FARP1: variants seen among roughly 807,000 people sequenced by gnomAD.
FARP1 encodes FERM, ARH/RhoGEF and pleckstrin domain protein 1.
FARP1 carries 52 observed loss-of-function variants against 128.8 expected under a neutral mutation model. The ratio of observed to expected loss-of-function variants is 0.40; its 90% confidence interval spans 0.32 to 0.51. The LOEUF (loss-of-function observed/expected upper bound fraction) is 0.51. Among genes scored for constraint, FARP1 ranks in the 20% least tolerant of loss-of-function variants. The pLI, the probability that FARP1 is intolerant of heterozygous loss-of-function variation, is 0.45. For synonymous variants in FARP1, 580 were observed against 551.8 expected (o/e 1.05, Z -0.72); for missense variants, 1,333 against 1,367.9 (o/e 0.97, Z 0.40).
Position 98,390,858 on chromosome 13 carries a change from C to T in FARP1, c.1066C>T (p.His356Tyr), listed in dbSNP as rs746470662. Residue 356 changes from histidine to tyrosine, a missense_variant, in exon 11 of 27, where the codon CAT becomes TAT. His to Tyr is a moderately conservative substitution (Grantham distance 83). Coordinates refer to ENST00000319562, the MANE Select transcript of FARP1 (RefSeq NM_005766.4). ...TCTCGACTATGTTAAAGAAGGAGGA[C>T]ATAAGAAGGTGCAGTTTGAAAGGTA... is the stretch of plus-strand genomic sequence containing the variant. ...QVLDYVKEGG[H>Y]KKVQFERKHS... is the part of the protein sequence containing the mutation. 1 of 1,613,334 alleles carries T rather than the reference C, an allele frequency of 6.2e-7. No homozygotes were observed. The highest frequency in any genetic ancestry group is 1.1e-5 in the South Asian group (1 of 90,998).
chr13:98,170,468 T>C (rs985796057), intron 1 of FARP1, among the ~76,000 whole-genome samples: 1 of 152,210 alleles, frequency 6.6e-6, no homozygotes, highest in African/African-American at 2.4e-5. Context: ...GCAATTCTCC[T>C]GCCTCGACCT....
rs188084165 is a variant in FARP1 at position 98,197,801 on chromosome 13, A to G, written c.-23-15419A>G. Among the ~76,000 whole-genome samples the G allele has an allele frequency of 3.1e-3, 474 of 151,802 alleles. 2 individuals are homozygous for G. Among genetic ancestry groups the G allele is most frequent in the Non-Finnish European group, 5.5e-3 (373 of 67,946 alleles). Reference sequence around the variant, plus strand: ...AGGCACCCGCCACCACGCCCGGCTAATTTTTTGTACTTTTTTAGTAGAGAC... The same window carrying G: ...AGGCACCCGCCACCACGCCCGGCTAGTTTTTTGTACTTTTTTAGTAGAGAC... On this transcript the variant is annotated intron_variant, in intron 1 of 26. Coordinates refer to ENST00000319562, the MANE Select transcript of FARP1 (RefSeq NM_005766.4).
intron 1 of FARP1, among the ~76,000 whole-genome samples, chr13:98,180,522 A>T (rs1407705533): frequency 6.6e-6 from 1 of 152,168 alleles, no homozygotes; most frequent in Non-Finnish European, 1.5e-5. Flanking sequence ...ATCTGTTTCC[A>T]GTGATACTTG....
chr13:98,339,823 C>T (rs1437475042), intron 2 of FARP1, among the ~76,000 whole-genome samples: 1 of 152,184 alleles, frequency 6.6e-6, no homozygotes, highest in Non-Finnish European at 1.5e-5. Flanking sequence ...GTCTCTACTG[C>T]AAACCCATGA....
Position 98,288,334 on chromosome 13 carries a change from A to G in FARP1, c.172-55428A>G, listed in dbSNP as rs556043783. Among the ~76,000 whole-genome samples the G allele has an allele frequency of 9.7e-4, 148 of 152,280 alleles. 1 individual carries two copies. The highest frequency in any genetic ancestry group is 3.3e-3 in the African/African-American group (138 of 41,560). ...AGCTTCATAGCACGTACATATGGCTATTCTGGAACTGACGGGAGCCTCTTG... is the reference window on the plus strand; with the variant it reads ...AGCTTCATAGCACGTACATATGGCTGTTCTGGAACTGACGGGAGCCTCTTG... On this transcript the variant is annotated intron_variant, in intron 2 of 26. Coordinates refer to ENST00000319562, the MANE Select transcript of FARP1 (RefSeq NM_005766.4).
intron 2 of FARP1, among the ~76,000 whole-genome samples, chr13:98,307,365 C>T (rs1419178546): frequency 1.3e-5 from 2 of 152,086 alleles, no homozygotes; most frequent in African/African-American, 4.8e-5. Context: ...GAACTAATAC[C>T]TAATGAAAAG....
chr13:98,409,356 C>G lies in FARP1; in HGVS notation c.1433C>G (p.Pro478Arg). 1.2e-6 allele frequency: 2 copies of G among 1,613,054 alleles called. No homozygotes were observed. Among genetic ancestry groups the G allele is most frequent in the African/African-American group, 1.3e-5 (1 of 74,972 alleles). Residue 478 changes from proline to arginine, a missense_variant, in exon 14 of 27, where the codon CCT (proline) becomes CGT (arginine). This residue lies in a region of FARP1 where 1,009 missense variants were observed against 969.8 expected (regional missense o/e 1.04). Transcript: ENST00000319562. ...CAAACAGGCTCCCTGACTGGCAGTCCTCACCTTTCCGAGCTGTCTGTGAAC... is the reference window on the plus strand; with the variant it reads ...CAAACAGGCTCCCTGACTGGCAGTCGTCACCTTTCCGAGCTGTCTGTGAAC... ...QPSTGSLTGS[P>R]HLSELSVNSQ...
Position 98,176,904 on chromosome 13 carries a change from G to A in FARP1, c.-24+33412G>A, listed in dbSNP as rs751001347. 10 of 1,605,530 alleles carry A rather than the reference G, an allele frequency of 6.2e-6. No homozygotes were observed. In the Admixed American group the frequency reaches 1.2e-4, roughly 19 times the overall value. ...TCTCGGTGTCCTGCTCGAAGTCAGCGGTGGCCCCCATGTCCTCTGGCCCCA... is the reference window on the plus strand; with the variant it reads ...TCTCGGTGTCCTGCTCGAAGTCAGCAGTGGCCCCCATGTCCTCTGGCCCCA... On this transcript the variant is annotated intron_variant, in intron 1 of 26. Transcript: ENST00000319562. This position sits in a 1 kb window ranked among gnomAD's most constrained non-coding sequence, Gnocchi z 6.2.
chr13:98,336,128 C>T (rs1218746486), intron 2 of FARP1, among the ~76,000 whole-genome samples: 1 of 152,150 alleles, frequency 6.6e-6, no homozygotes, highest in Non-Finnish European at 1.5e-5. Context: ...ATACTCCCAA[C>T]CTATAGAAGG....
At chr13:98,246,076 C>A (rs754412929) in intron 2 of FARP1, among the ~76,000 whole-genome samples, 57 of 137,448 alleles carry the variant, frequency 4.1e-4, no homozygotes, top group Non-Finnish European at 7.5e-4. Flanking sequence ...TGCGCCCGGC[C>A]GAGATAAATT....
intron 2 of FARP1, among the ~76,000 whole-genome samples, chr13:98,258,987 C>G (rs930117311): frequency 1.3e-5 from 2 of 152,158 alleles, no homozygotes; most frequent in African/African-American, 4.8e-5. Flanking sequence ...GCGGGAGGAT[C>G]GCTTGAGCTC....
At chr13:98,268,199 T>C (rs9584792) in intron 2 of FARP1, among the ~76,000 whole-genome samples, 63,098 of 152,032 alleles carry the variant, frequency 0.42, 13,876 homozygotes, top group African/African-American at 0.55. Flanking sequence ...TTGACTAAAG[T>C]CCTGCCCATT....
chr13:98,244,494 G>C, intron 2 of FARP1: 1 of 1,614,004 alleles, frequency 6.2e-7, no homozygotes, highest in Non-Finnish European at 8.5e-7. Context: ...TTCCCAGATG[G>C]TGTCCTCATC....
chr13:98,188,682 G>T (rs1304009029), intron 1 of FARP1, among the ~76,000 whole-genome samples: 1 of 152,142 alleles, frequency 6.6e-6, no homozygotes, highest in Non-Finnish European at 1.5e-5. Flanking sequence ...TGACCTGCGG[G>T]TCCCCTGTGG....
At chr13:98,169,029 T>C (rs1001263618) in intron 1 of FARP1, among the ~76,000 whole-genome samples, 1 of 152,226 alleles carries the variant, frequency 6.6e-6, no homozygotes, top group African/African-American at 2.4e-5. Context: ...AAAACTGTTT[T>C]TTTTTGTTGT....
chr13:98,369,330 A>G (rs1239350258), intron 5 of FARP1, among the ~76,000 whole-genome samples: 1 of 150,138 alleles, frequency 6.7e-6, no homozygotes, highest in African/African-American at 2.5e-5. Flanking sequence ...CCTTCAGAGG[A>G]CACTAATCTA....
intron 3 of FARP1, among the ~76,000 whole-genome samples, chr13:98,351,165 C>T (rs1353144605): frequency 6.6e-5 from 10 of 152,030 alleles, no homozygotes; most frequent in Admixed American, 6.6e-4. Context: ...GAGTGGTGGG[C>T]CCCCTCCTCT....
chr13:98,200,519 G>A (rs1464009757), intron 1 of FARP1, among the ~76,000 whole-genome samples: 1 of 152,048 alleles, frequency 6.6e-6, no homozygotes, highest in African/African-American at 2.4e-5. Flanking sequence ...GCAGTAGAGA[G>A]TAGGCTTTCT....
intron 1 of FARP1, among the ~76,000 whole-genome samples, chr13:98,168,426 G>A (rs1224225076): frequency 6.6e-6 from 1 of 152,032 alleles, no homozygotes; most frequent in Non-Finnish European, 1.5e-5. Context: ...TCGACTTTTA[G>A]TCTCTTCAGA....
Sources: gnomAD v4.1 joint callset for allele counts (sites outside exome capture counted in the v4.1 genomes callset) on GRCh38, gnomAD v4.1.1 for gene constraint, gnomAD v4.1.1 regional missense constraint, Gnocchi (gnomAD v3.1) non-coding constraint, MANE v1.5 for transcripts, NCBI Gene and HGNC (gene_info 2026-07-23, HGNC 2026-07-21) for gene names.